The following PITRM1 variants were observed in gnomAD, a reference collection of about 807,000 sequenced individuals.
The protein encoded by PITRM1 is presequence protease, mitochondrial.
PITRM1 carries 100 observed loss-of-function variants against 129.9 expected under a neutral mutation model. The ratio of observed to expected loss-of-function variants is 0.77; its 90% CI spans 0.65 to 0.91. The LOEUF (loss-of-function observed/expected upper bound fraction) is 0.91. PITRM1 is among the 40% of genes least tolerant of loss of function. The pLI is 0.00. For missense variants in PITRM1, 1,471 were observed against 1,318.3 expected (o/e 1.12, Z -1.79); for synonymous variants, 591 against 508.8 (o/e 1.16, Z -2.17).
rs370243102 is a variant in PITRM1, at chr10:3,161,678, T to C, written c.792-1348A>G. 3.8e-3 allele frequency among the ~76,000 whole-genome samples: 228 copies of C among 59,346 alleles called. 4 individuals carry two copies. In the South Asian group the frequency reaches 0.067, roughly 17 times the overall value. The allele number at this position is 59,346 out of a possible 152,430, so 38.9% of individuals were successfully genotyped here. On this transcript the variant is annotated intron_variant, in intron 7 of 26. Coordinates refer to ENST00000224949, the MANE Select transcript of PITRM1 (RefSeq NM_014889.4). ...CCCGGCTGTGCGTGCATTAGGGAGG[T>C]GGGGGTGGGGGCGTAGAAACCAAAG...
chr10:3,155,528 T>G (rs1841901406), intron 14 of PITRM1, 63 bp downstream of exon 14: 2 of 1,595,780 alleles, frequency 1.3e-6, no homozygotes, highest in African/African-American at 2.7e-5. Context: ...ACTAACTCAC[T>G]AACAAGTCCA....
At position 3,172,729 on chromosome 10, in the gene PITRM1, C is replaced by A. The variant is rs1006874320; in HGVS notation, c.44G>T (p.Arg15Leu). 3 of 1,542,868 alleles carry A rather than the reference C, an allele frequency of 1.9e-6. No individual in the cohort carries two copies. The highest frequency in any genetic ancestry group is 3.9e-5 in the Admixed American group (2 of 50,690). Reference sequence around the variant, plus strand: ...CGCAGCGTCTCACCCGCCGCTCAGCCGCCTCAGCACACACAGGCCCTGCCG... The same window carrying A: ...CGCAGCGTCTCACCCGCCGCTCAGCAGCCTCAGCACACACAGGCCCTGCCG... ...GGRQGLCVLR[R>L]LSGGHAHHRA... is the part of the protein sequence containing the mutation. The change falls in exon 1 of 27, where the codon CGG becomes CTG. Residue 15 changes from arginine to leucine, a missense_variant. Coordinates refer to ENST00000224949, the MANE Select transcript of PITRM1 (RefSeq NM_014889.4).
At chr10:3,167,663 C>T (rs891620542) in intron 2 of PITRM1, among the ~76,000 whole-genome samples, 3 of 151,968 alleles carry the variant, frequency 2.0e-5, no homozygotes, top group Non-Finnish European at 4.4e-5. Flanking sequence ...TTGTGTGCTG[C>T]GCCTCAGTAA....
chr10:3,149,324 A>G, intron 16 of PITRM1: 1 of 246,948 alleles, frequency 4.0e-6, no homozygotes, highest in Non-Finnish European at 7.8e-6. Context: ...CTGCACATCC[A>G]ATTACTTACA....
At chr10:3,169,394 T>C (rs936767655) in intron 2 of PITRM1, among the ~76,000 whole-genome samples, 1 of 152,126 alleles carries the variant, frequency 6.6e-6, no homozygotes. Context: ...CAGCTCCCAC[T>C]CCTCCTCCTG....
chr10:3,144,055 A>G, intron 22 of PITRM1: 1 of 585,734 alleles, frequency 1.7e-6, no homozygotes. Context: ...GACGCACCCC[A>G]TACCAGGGCC....
In PITRM1 at chr10:3,166,320, G is replaced by A. The variant is rs1127047; in HGVS notation, c.327C>T (p.Thr109=). 63,719 of 1,608,096 alleles carry A rather than the reference G, an allele frequency of 0.04. 1,512 individuals carry two copies. Among genetic ancestry groups the A allele is most frequent in the Admixed American group, 0.082 (4,858 of 59,606 alleles). The part of the protein sequence containing the change: ...STGVPHILEH[T]VLCGSQKYPC... ...GATATTTCTGAGACCCACAAAGGAC[G>A]GTATGCTCAAGAATGTGAGGAACAC... The change falls in exon 4 of 27, where the codon ACC becomes ACT. Residue 109 remains threonine (T), a synonymous_variant. Transcript: ENST00000224949.
At chr10:3,141,565 G>T in intron 23 of PITRM1, 1 of 389,618 alleles carries the variant, frequency 2.6e-6, no homozygotes. Flanking sequence ...AATTTCCTCT[G>T]CCTTCCACTG....
chr10:3,137,935 A>C lies in PITRM1; in HGVS notation c.*96T>G, dbSNP rs755358186. 7 of 742,960 alleles carry C rather than the reference A, an allele frequency of 9.4e-6. No individual in the cohort carries two copies. Among genetic ancestry groups the C allele is most frequent in the Non-Finnish European group, 1.6e-5 (7 of 439,446 alleles). The allele number at this position is 742,960 out of a possible 1,614,324, so 46.0% of individuals were successfully genotyped here. A position where few individuals can be genotyped will look rare whatever the true frequency, so the allele number is the denominator to read the frequency against. Reference sequence around the variant, plus strand: ...GGGCTTTGGCGACACTCAATGACATAATATTCTTGGAAAAAGCAGTAGCAT... The same window carrying C: ...GGGCTTTGGCGACACTCAATGACATCATATTCTTGGAAAAAGCAGTAGCAT... On this transcript the variant is annotated 3_prime_UTR_variant, in exon 27 of 27. Coordinates refer to ENST00000224949, the MANE Select transcript of PITRM1 (RefSeq NM_014889.4).
chr10:3,149,780 T>G lies in PITRM1; in HGVS notation c.1739-27A>C. On this transcript the variant is annotated intron_variant, in intron 15 of 26. Coordinates refer to ENST00000224949, the MANE Select transcript of PITRM1 (RefSeq NM_014889.4). ...TAGAAAAACAAAAGGGATTTAATTT[T>G]TATTGCTGCCAGTAAAATTCTAACC... 3.1e-6 allele frequency: 5 copies of G among 1,612,690 alleles called. No homozygotes were observed. The South Asian group carries it at 4.4e-5, about 14-fold the overall frequency.
At chr10:3,157,326 C>A in intron 12 of PITRM1, 109 bp downstream of exon 12, 1 of 674,394 alleles carries the variant, frequency 1.5e-6, no homozygotes, top group Non-Finnish European at 2.4e-6. Flanking sequence ...AACCCTTACC[C>A]ATTTAAAGTA....
chr10:3,170,284 T>A, intron 1 of PITRM1, 78 bp from the exon 2 acceptor site: 1 of 980,142 alleles, frequency 1.0e-6, no homozygotes. Flanking sequence ...ATAGTGAAAA[T>A]ACTCTCATGT....
At chr10:3,148,661 T>TAC (rs1841178265) in intron 16 of PITRM1, 1 of 176,686 alleles carries the variant, frequency 5.7e-6, no homozygotes, top group African/African-American at 2.4e-5. Flanking sequence ...CCGTGATACA[T>TAC]ACTTCCTTTG....
chr10:3,140,947 G>A, intron 23 of PITRM1, 135 bp from the exon 24 acceptor site: 1 of 842,994 alleles, frequency 1.2e-6, no homozygotes, highest in South Asian at 1.7e-5. Flanking sequence ...CCATATTTTG[G>A]TCTTGTTTTT....
At chr10:3,168,723 G>T (rs1218163006) in intron 2 of PITRM1, among the ~76,000 whole-genome samples, 1 of 152,160 alleles carries the variant, frequency 6.6e-6, no homozygotes, top group African/African-American at 2.4e-5. Context: ...CACCACGATT[G>T]TGTTTCCTGA....
At chr10:3,144,752 T>C (rs1202318602) in intron 21 of PITRM1, among the ~76,000 whole-genome samples, 1 of 152,096 alleles carries the variant, frequency 6.6e-6, no homozygotes, top group East Asian at 1.9e-4. Context: ...CTACAGCTAG[T>C]TGTAATGGCA....
At chr10:3,141,434 G>A (rs941452886) in intron 23 of PITRM1, 28 of 222,064 alleles carry the variant, frequency 1.3e-4, no homozygotes, top group Non-Finnish European at 1.9e-4. Flanking sequence ...ATGAGCAAAT[G>A]AACATTTATT....
intron 21 of PITRM1, chr10:3,145,340 A>G: frequency 2.3e-6 from 1 of 435,906 alleles, no homozygotes; most frequent in Non-Finnish European, 4.1e-6. Flanking sequence ...CTGTTTTCCT[A>G]TCAGACTACT....
chr10:3,152,147 C>G (rs1024613325), intron 14 of PITRM1, among the ~76,000 whole-genome samples: 1 of 152,200 alleles, frequency 6.6e-6, no homozygotes, highest in African/African-American at 2.4e-5. Flanking sequence ...AAAGACACTT[C>G]CTGGGCCTGA....
Sources: allele counts gnomAD v4.1 joint callset (sites outside exome capture counted in the v4.1 genomes callset), GRCh38; gene constraint gnomAD v4.1.1; transcripts MANE v1.5; gene names NCBI Gene and HGNC (gene_info 2026-07-23, HGNC 2026-07-21).